RAB33A: variants seen among roughly 807,000 people sequenced by gnomAD.
RAB33A encodes ras-related protein Rab-33A.
A neutral mutation model predicts 12.0 loss-of-function variants in RAB33A; 6 were observed. The observed-to-expected ratio is 0.50, with a 90% CI of 0.27 to 0.99. The LOEUF (loss-of-function observed/expected upper bound fraction) is 0.99. Ranked by LOEUF, RAB33A falls within the 50% of genes least tolerant of loss-of-function variation. The pLI is 0.11. For missense variants in RAB33A, 109 were observed against 192.0 expected (o/e 0.57, Z 2.55); for synonymous variants, 70 against 82.4 (o/e 0.85, Z 0.81).
the RAB33A span, among the ~76,000 whole-genome samples, chrX:130,114,488 A>G: frequency 8.9e-6 from 1 of 112,164 alleles, no homozygotes; most frequent in Admixed American, 9.4e-5. Context: ...CCAGGCTGAG[A>G]TCACCACTCT....
the RAB33A span, among the ~76,000 whole-genome samples, chrX:130,161,649 C>G: frequency 9.8e-6 from 1 of 101,989 alleles, no homozygotes; most frequent in Non-Finnish European, 2.0e-5. Context: ...GCTCTGTCGT[C>G]CAGGCTGGAG....
the RAB33A span, chrX:130,136,265 C>T: frequency 9.1e-7 from 1 of 1,104,715 alleles, no homozygotes; most frequent in African/African-American, 1.8e-5. Context: ...CCCTTCATGC[C>T]ATTAAGAATT....
chrX:130,135,567 G>C, the RAB33A span, among the ~76,000 whole-genome samples: 6 of 109,904 alleles, frequency 5.5e-5, no homozygotes, highest in East Asian at 1.4e-3. Context: ...TTACCTCATG[G>C]TTCCTACATA....
the RAB33A span, among the ~76,000 whole-genome samples, chrX:130,149,923 C>G: frequency 8.9e-6 from 1 of 111,998 alleles, no homozygotes; most frequent in African/African-American, 3.2e-5. Flanking sequence ...ATATGAAGCA[C>G]AGAAACGGGG....
the RAB33A span, among the ~76,000 whole-genome samples, chrX:130,119,641 C>T: frequency 8.9e-6 from 1 of 111,902 alleles, no homozygotes; most frequent in Non-Finnish European, 1.9e-5. Flanking sequence ...GGGCACCGCC[C>T]TGTAGGAAAA....
At chrX:130,114,640 C>G in the RAB33A span, among the ~76,000 whole-genome samples, 1 of 112,131 alleles carries the variant, frequency 8.9e-6, no homozygotes, top group African/African-American at 3.2e-5. Flanking sequence ...CTGCTTCCCC[C>G]AGTCTCCAAC....
chrX:130,111,870 G>A, the RAB33A span, among the ~76,000 whole-genome samples: 2 of 111,949 alleles, frequency 1.8e-5, no homozygotes, highest in South Asian at 7.4e-4. Flanking sequence ...CTGATAGGAG[G>A]CTCTGGAGAG....
At chrX:130,150,976 T>TTAAAAAAAAAAAA in the RAB33A span, among the ~76,000 whole-genome samples, 1 of 23,508 alleles carries the variant, frequency 4.3e-5, no homozygotes, top group Non-Finnish European at 6.3e-5. Context: ...AGACTCTGTC[T>TTAAAAAAAAAAAA]CAAAAAAAAA....
chrX:130,139,830 C>T, the RAB33A span: 1 of 1,211,441 alleles, frequency 8.3e-7, no homozygotes. Context: ...TTCACCTCTG[C>T]TCCAGCCCTA....
chrX:130,172,399 T>TCGTCCAG (rs1402622834), intron 1 of RAB33A, 79 bp downstream of exon 1: 17 of 1,104,219 alleles, frequency 1.5e-5, no homozygotes, highest in Admixed American at 1.5e-4. Context: ...GCGGTTGTCG[T>TCGTCCAG]CGTCCAGCGT....
the RAB33A span, chrX:130,139,820 T>C: frequency 4.1e-6 from 5 of 1,209,345 alleles, no homozygotes; most frequent in East Asian, 1.5e-4. Context: ...TGTTCTACTC[T>C]TCACCTCTGC....
chrX:130,124,860 T>A, the RAB33A span, among the ~76,000 whole-genome samples: 124 of 111,657 alleles, frequency 1.1e-3, 1 homozygote, highest in African/African-American at 4.0e-3. Context: ...GTGATTGGAT[T>A]GGGTATCTTA....
the RAB33A span, among the ~76,000 whole-genome samples, chrX:130,125,370 G>A: frequency 2.7e-5 from 3 of 111,556 alleles, no homozygotes; most frequent in African/African-American, 9.8e-5. Flanking sequence ...GTCATCACTG[G>A]CTTGGGCTGA....
chrX:130,129,537 G>C, the RAB33A span: 1 of 1,204,528 alleles, frequency 8.3e-7, no homozygotes, highest in East Asian at 3.0e-5. Context: ...CAGTGGGTTT[G>C]CCAATTCCAC....
the RAB33A span, chrX:130,147,966 T>C: frequency 3.6e-6 from 4 of 1,103,728 alleles, no homozygotes; most frequent in Non-Finnish European, 5.0e-6. Flanking sequence ...TGCACTTGTC[T>C]CAATCCTCCA....
chrX:130,160,883 A>AAAATAAATAAATAAATAAAT, the RAB33A span, among the ~76,000 whole-genome samples: 11 of 107,055 alleles, frequency 1.0e-4, no homozygotes, highest in African/African-American at 3.8e-4. Flanking sequence ...TCTCTACTTA[A>AAAATAAATAAATAAATAAAT]AAATAAATAA....
At chrX:130,118,980 T>A in the RAB33A span, among the ~76,000 whole-genome samples, 1 of 111,443 alleles carries the variant, frequency 9.0e-6, no homozygotes, top group South Asian at 3.8e-4. Context: ...CGTGTACATT[T>A]TTTCCTCGTC....
the RAB33A span, chrX:130,131,862 T>A: frequency 4.6e-4 from 539 of 1,176,733 alleles, no homozygotes; most frequent in Non-Finnish European, 5.6e-4. Context: ...TAGCACATAT[T>A]CTCCATGACA....
chrX:130,147,398 CCCT>C, the RAB33A span: 2 of 1,093,624 alleles, frequency 1.8e-6, no homozygotes, highest in African/African-American at 3.6e-5. Context: ...GCCAAGCCAT[CCCT>C]CCTATTACTG....
Sources: allele counts gnomAD v4.1 joint callset (sites outside exome capture counted in the v4.1 genomes callset), GRCh38; gene constraint gnomAD v4.1.1; transcripts MANE v1.5; gene names NCBI Gene and HGNC (gene_info 2026-07-23, HGNC 2026-07-21).